The following BTG4 variants were observed in gnomAD, a reference collection of about 807,000 sequenced individuals.
BTG4 encodes the protein BTG anti-proliferation factor 4, also known as protein BTG4.
BTG4 carries 10 observed loss-of-function variants against 19.3 expected under a neutral mutation model. The ratio of observed to expected loss-of-function variants is 0.52; its 90% CI spans 0.32 to 0.88. BTG4 has a LOEUF of 0.88. Among genes scored for constraint, BTG4 ranks in the 40% least tolerant of loss-of-function variants. BTG4 has a pLI of 0.04. For missense variants in BTG4, 238 were observed against 281.9 expected, an observed-to-expected ratio of 0.84 and a Z score of 1.11; for synonymous variants, 91 against 95.7, an observed-to-expected ratio of 0.95 and a Z score of 0.29.
chr11:111,455,068 G>A, the BTG4 span: 10 of 455,408 alleles, frequency 2.2e-5, no homozygotes, highest in Admixed American at 1.4e-4. Flanking sequence ...TCTGAGGAGC[G>A]TGCAGAGGGA....
At chr11:111,471,052 T>C (rs1361779101) in intron 5 of BTG4, among the ~76,000 whole-genome samples, 2 of 152,250 alleles carry the variant, frequency 1.3e-5, no homozygotes, top group East Asian at 3.8e-4. Flanking sequence ...AATTCATTCT[T>C]ATGAACAAGA....
intron 5 of BTG4, among the ~76,000 whole-genome samples, chr11:111,483,071 A>G (rs1347914124): frequency 6.6e-6 from 1 of 152,120 alleles, no homozygotes; most frequent in Non-Finnish European, 1.5e-5. Context: ...ACAACTACCC[A>G]TGCAAGAAAG....
At position 111,477,130 on chromosome 11, in the gene BTG4, G is replaced by T. The variant is rs577211944; in HGVS notation, c.663-9449C>A. On this transcript the variant is annotated intron_variant, in intron 5 of 5. Coordinates refer to the BTG4 transcript ENST00000356018. ...ACATGATCCTATTAATTTCCTGGCT[G>T]ACTTCTTGGGCTCTGTGTCTTATTT... Among the ~76,000 whole-genome samples, 429 of 152,236 alleles carry T rather than the reference G, an allele frequency of 2.8e-3. 1 individual carries two copies. Among genetic ancestry groups the T allele is most frequent in the Non-Finnish European group, 5.2e-3 (351 of 67,998 alleles).
intron 3 of BTG4, 52 bp from the exon 4 acceptor site, chr11:111,497,461 G>T: frequency 2.5e-6 from 3 of 1,201,878 alleles, no homozygotes; most frequent in Non-Finnish European, 3.3e-6. Flanking sequence ...CTTTCTACAA[G>T]ATCTCCAATC....
the BTG4 span, among the ~76,000 whole-genome samples, chr11:111,433,129 T>A: frequency 6.6e-6 from 1 of 152,236 alleles, no homozygotes; most frequent in African/African-American, 2.4e-5. Flanking sequence ...AACCAGCATC[T>A]ATTGTTTGCA....
downstream of BTG4, among the ~76,000 whole-genome samples, chr11:111,493,517 G>C (rs1865543953): frequency 6.6e-6 from 1 of 152,170 alleles, no homozygotes; most frequent in Admixed American, 6.5e-5. Context: ...CCCATTGCTG[G>C]TAGTCTTGTT....
At chr11:111,477,205 A>G (rs1044537584) in intron 5 of BTG4, among the ~76,000 whole-genome samples, 20 of 152,112 alleles carry the variant, frequency 1.3e-4, no homozygotes, top group Non-Finnish European at 2.5e-4. Flanking sequence ...ATGCTTTTTA[A>G]TGGAAATGCC....
downstream of BTG4, among the ~76,000 whole-genome samples, chr11:111,492,607 C>A (rs550601214): frequency 2.0e-5 from 3 of 152,288 alleles, no homozygotes; most frequent in South Asian, 2.1e-4. Flanking sequence ...TATATGCCAA[C>A]ATTAAATGGG....
chr11:111,506,616 A>G (rs1866471695), intron 1 of BTG4, among the ~76,000 whole-genome samples: 1 of 152,074 alleles, frequency 6.6e-6, no homozygotes, highest in African/African-American at 2.4e-5. Flanking sequence ...ACCCCTTAAA[A>G]AAAGAAACCA....
intron 1 of BTG4, among the ~76,000 whole-genome samples, chr11:111,509,911 CT>C (rs1450409427): frequency 0.029 from 3,286 of 114,616 alleles, 19 homozygotes; most frequent in Admixed American, 0.057. Flanking sequence ...TTTCTTTTTT[CT>C]TTTTTTTTTT....
At chr11:111,436,502 T>C in the BTG4 span, among the ~76,000 whole-genome samples, 1 of 151,962 alleles carries the variant, frequency 6.6e-6, no homozygotes, top group Non-Finnish European at 1.5e-5. Context: ...AGTGGGCGCC[T>C]GTAATTCCAG....
the BTG4 span, among the ~76,000 whole-genome samples, chr11:111,437,782 T>C: frequency 6.6e-6 from 1 of 152,216 alleles, no homozygotes; most frequent in Non-Finnish European, 1.5e-5. Context: ...CTTACTTGCT[T>C]CTGCTACTCT....
chr11:111,457,778 T>C, the BTG4 span: 2 of 149,820 alleles, frequency 1.3e-5, no homozygotes, highest in Non-Finnish European at 3.0e-5. Context: ...GTTCCCCTTA[T>C]GCCACACCTG....
chr11:111,422,236 G>A, the BTG4 span, among the ~76,000 whole-genome samples: 19 of 152,214 alleles, frequency 1.2e-4, no homozygotes, highest in South Asian at 1.7e-3. Flanking sequence ...TGAGCCAACC[G>A]TGCACCAAGC....
the BTG4 span, among the ~76,000 whole-genome samples, chr11:111,440,726 G>A: frequency 2.0e-5 from 3 of 152,230 alleles, no homozygotes; most frequent in Admixed American, 6.5e-5. Flanking sequence ...GTGCTGAGGC[G>A]AAGATGCTGC....
chr11:111,393,020 A>T, the BTG4 span, among the ~76,000 whole-genome samples: 11,490 of 152,158 alleles, frequency 0.076, 649 homozygotes, highest in Middle Eastern at 0.16. Context: ...TACAGAGAGG[A>T]GTGAGAATAT....
At chr11:111,404,325 C>G in the BTG4 span, among the ~76,000 whole-genome samples, 9 of 152,274 alleles carry the variant, frequency 5.9e-5, no homozygotes, top group Non-Finnish European at 1.2e-4. Flanking sequence ...CTAATACATC[C>G]ATTTTATAGA....
chr11:111,424,179 T>C, the BTG4 span, among the ~76,000 whole-genome samples: 2 of 152,260 alleles, frequency 1.3e-5, no homozygotes, highest in African/African-American at 4.8e-5. Flanking sequence ...CTTTAGGGCA[T>C]CTCCCATCCA....
At chr11:111,406,949 A>G in the BTG4 span, among the ~76,000 whole-genome samples, 3 of 152,170 alleles carry the variant, frequency 2.0e-5, no homozygotes, top group Non-Finnish European at 2.9e-5. Context: ...CTCTTACTAC[A>G]GATCACTAGG....
Sources: allele counts gnomAD v4.1 joint callset (sites outside exome capture counted in the v4.1 genomes callset), GRCh38; gene constraint gnomAD v4.1.1; transcripts MANE v1.5; gene names NCBI Gene and HGNC (gene_info 2026-07-23, HGNC 2026-07-21).